The following ZNF385D variants were observed in gnomAD, a reference collection of about 807,000 sequenced individuals.
ZNF385D encodes zinc finger protein 659.
ZNF385D carries 15 observed loss-of-function variants against 35.8 expected under a neutral mutation model. That is an observed-to-expected ratio of 0.42 (90% CI 0.28 to 0.64). The LOEUF is 0.64. Among genes scored for constraint, ZNF385D ranks in the 30% least tolerant of loss-of-function variants. The probability of loss-of-function intolerance (pLI) is 0.23; values close to 1 mark genes in which losing one functional copy is unlikely to be tolerated. For missense variants in ZNF385D, 474 were observed against 494.6 expected (o/e 0.96, Z 0.39); for synonymous variants, 212 against 186.8 (o/e 1.13, Z -1.10).
At chr3:21,545,600 G>A (rs2062344232) in intron 3 of ZNF385D, among the ~76,000 whole-genome samples, 1 of 152,142 alleles carries the variant, frequency 6.6e-6, no homozygotes, top group Non-Finnish European at 1.5e-5. Flanking sequence ...TTGTTTGGAT[G>A]ACAGCAATAA....
chr3:21,909,278 A>G (rs140638237), intron 3 of ZNF385D, among the ~76,000 whole-genome samples: 169 of 152,204 alleles, frequency 1.1e-3, no homozygotes, highest in African/African-American at 3.9e-3. Flanking sequence ...CACAAAATAC[A>G]AGCTTCCTCC....
chr3:21,629,281 C>T lies in ZNF385D; in HGVS notation c.165+35605G>A, dbSNP rs368960345. On this transcript the variant is annotated intron_variant, in intron 2 of 7. Transcript: ENST00000281523. ...TATTCTGTATGAGGCCTCTTCTGGC[C>T]ACACCTGCCTATAATTTCAGGTGGA... Among the ~76,000 whole-genome samples, 6 of 152,178 alleles carry T rather than the reference C, an allele frequency of 3.9e-5. 1 individual carries two copies. Among genetic ancestry groups the T allele is most frequent in the Non-Finnish European group, 1.5e-5 (1 of 68,002 alleles).
At chr3:21,691,530 C>T (rs1195194659) in intron 1 of ZNF385D, among the ~76,000 whole-genome samples, 2 of 152,036 alleles carry the variant, frequency 1.3e-5, no homozygotes, top group African/African-American at 4.8e-5. Flanking sequence ...TTTCTCCTTT[C>T]TTTCTTCTAA....
intron 3 of ZNF385D, among the ~76,000 whole-genome samples, chr3:21,993,523 G>T (rs1021909062): frequency 6.6e-6 from 1 of 151,962 alleles, no homozygotes; most frequent in Admixed American, 6.5e-5. Context: ...ACTGATTCTG[G>T]ATTTTAATCA....
intron 3 of ZNF385D, among the ~76,000 whole-genome samples, chr3:22,124,801 T>C (rs1015616248): frequency 1.3e-5 from 2 of 152,196 alleles, no homozygotes; most frequent in Admixed American, 1.3e-4. Context: ...GAGCTCCTTA[T>C]ATATCTGGTT....
intron 3 of ZNF385D, among the ~76,000 whole-genome samples, chr3:21,804,817 G>A (rs987078356): frequency 1.3e-5 from 2 of 151,946 alleles, no homozygotes; most frequent in Admixed American, 6.6e-5. Flanking sequence ...TTAGTTCAAA[G>A]GCTATTTAAT....
chr3:21,537,276 G>A (rs2062059390), intron 3 of ZNF385D, among the ~76,000 whole-genome samples: 1 of 151,560 alleles, frequency 6.6e-6, no homozygotes, highest in Non-Finnish European at 1.5e-5. Context: ...GGGATTACAG[G>A]TGCCTGCCAC....
chr3:21,788,178 A>T lies in ZNF385D; in HGVS notation c.326-123150T>A, dbSNP rs528397160. ...TAAAGGTATCTTCCATCGAGTAGAA[A>T]TAGAAAGATAGTAAGATGGGGCGGG... On this transcript the variant is annotated intron_variant, in intron 3 of 5. Coordinates refer to the ZNF385D transcript ENST00000494108. Among the ~76,000 whole-genome samples, 164 of 152,302 alleles carry T rather than the reference A, an allele frequency of 1.1e-3. 1 individual carries two copies. Among genetic ancestry groups the T allele is most frequent in the African/African-American group, 3.8e-3 (156 of 41,570 alleles).
At chr3:22,153,488 CAG>C (rs1433932940) in intron 3 of ZNF385D, among the ~76,000 whole-genome samples, 14 of 124,762 alleles carry the variant, frequency 1.1e-4, no homozygotes, top group Middle Eastern at 5.0e-3. Flanking sequence ...TTTTTTGAGA[CAG>C]AGTCTCTCTG....
intron 3 of ZNF385D, among the ~76,000 whole-genome samples, chr3:21,823,105 A>G (rs1694380761): frequency 7.0e-6 from 1 of 143,032 alleles, no homozygotes; most frequent in Admixed American, 6.9e-5. Context: ...TACTGTATAC[A>G]TATTATACAG....
chr3:22,217,048 G>A (rs1473628482), intron 2 of ZNF385D, among the ~76,000 whole-genome samples: 2 of 152,052 alleles, frequency 1.3e-5, no homozygotes, highest in Admixed American at 6.6e-5. Flanking sequence ...ATCTGTTGGA[G>A]CAGCTAGCAT....
At chr3:22,068,197 T>A (rs550561035) in intron 3 of ZNF385D, among the ~76,000 whole-genome samples, 4 of 152,234 alleles carry the variant, frequency 2.6e-5, no homozygotes, top group South Asian at 4.1e-4. Flanking sequence ...GTAACATTGT[T>A]CTCTTAGATG....
At chr3:21,757,487 A>T (rs940063260) in intron 3 of ZNF385D, among the ~76,000 whole-genome samples, 1 of 152,120 alleles carries the variant, frequency 6.6e-6, no homozygotes, top group African/African-American at 2.4e-5. Flanking sequence ...ATAGACAGCT[A>T]ATAGGAGCTT....
chr3:21,817,508 G>A (rs942121596), intron 3 of ZNF385D, among the ~76,000 whole-genome samples: 2 of 151,694 alleles, frequency 1.3e-5, no homozygotes, highest in South Asian at 4.2e-4. Flanking sequence ...ACAACAAGTG[G>A]GTGAAGGATA....
At chr3:21,796,066 G>T (rs1000339943) in intron 3 of ZNF385D, among the ~76,000 whole-genome samples, 8 of 152,124 alleles carry the variant, frequency 5.3e-5, no homozygotes, top group African/African-American at 1.9e-4. Context: ...CTCCCACTTG[G>T]CATTTGGATC....
At chr3:21,516,126 T>G (rs1707547290) in intron 3 of ZNF385D, among the ~76,000 whole-genome samples, 1 of 152,216 alleles carries the variant, frequency 6.6e-6, no homozygotes, top group Non-Finnish European at 1.5e-5. Context: ...AACCATTCTC[T>G]AGTCCCCTGC....
At chr3:21,679,406 T>A (rs751694832) in intron 1 of ZNF385D, among the ~76,000 whole-genome samples, 1 of 152,126 alleles carries the variant, frequency 6.6e-6, no homozygotes, top group African/African-American at 2.4e-5. Context: ...TGCTAGTAAT[T>A]TGATTCTGAG....
At chr3:21,899,978 G>A (rs1464698543) in intron 3 of ZNF385D, among the ~76,000 whole-genome samples, 3 of 152,110 alleles carry the variant, frequency 2.0e-5, no homozygotes, top group Admixed American at 6.6e-5. Flanking sequence ...AGGTGACACG[G>A]TTTAAGTTAA....
chr3:21,421,028 T>C lies in ZNF385D; in HGVS notation c.*186A>G, dbSNP rs1163191228. On this transcript the variant is annotated 3_prime_UTR_variant, in exon 8 of 8. Coordinates refer to ENST00000281523, the MANE Select transcript of ZNF385D (RefSeq NM_024697.3). ...GAGGAATGCTTTAATTTGGAGAAAA[T>C]ACCACTCCCTCCCTCCCACCCCCAA... The C allele has an allele frequency of 2.6e-6, 1 of 390,632 alleles. No individual in the cohort carries two copies. The highest frequency in any genetic ancestry group is 4.8e-6 in the Non-Finnish European group (1 of 210,346). 24.2% of individuals were successfully genotyped at this position (390,632 alleles called of 1,614,324 possible).
Sources: gnomAD v4.1 joint callset for allele counts (sites outside exome capture counted in the v4.1 genomes callset) on GRCh38, gnomAD v4.1.1 for gene constraint, MANE v1.5 for transcripts, NCBI Gene and HGNC (gene_info 2026-07-23, HGNC 2026-07-21) for gene names.